Variants in GLIS1 observed in about 807,000 individuals in gnomAD.
The protein encoded by GLIS1 is GLIS family zinc finger 1.
In GLIS1, 24 loss-of-function variants were observed where a neutral mutation model predicts 63.8. The observed-to-expected ratio is 0.38, with a 90% CI of 0.27 to 0.53. GLIS1 has a LOEUF of 0.53. GLIS1 is among the 20% of genes least tolerant of loss of function. The pLI, the probability that GLIS1 is intolerant of heterozygous loss-of-function variation, is 0.85. For synonymous variants in GLIS1, 450 were observed against 482.5 expected (o/e 0.93, Z 0.88); for missense variants, 1,036 against 1,074.1 (o/e 0.96, Z 0.50).
At chr1:53,672,424 C>T (rs1261819628) in intron 2 of GLIS1, among the ~76,000 whole-genome samples, 1 of 152,248 alleles carries the variant, frequency 6.6e-6, no homozygotes, top group Non-Finnish European at 1.5e-5. Context: ...TATCTGTTAA[C>T]TCCTACACAT....
At chr1:53,571,402 T>C (rs561733804) in intron 4 of GLIS1, among the ~76,000 whole-genome samples, 45 of 152,146 alleles carry the variant, frequency 3.0e-4, no homozygotes, top group Non-Finnish European at 5.3e-4. Flanking sequence ...GTTCCATAGG[T>C]TCAAAAAGAG....
In GLIS1 at chr1:53,626,148, T is replaced by G. The variant is rs996730348; in HGVS notation, c.260-25870A>C. Among the ~76,000 whole-genome samples, 18 of 152,286 alleles carry G rather than the reference T, an allele frequency of 1.2e-4. No individual in the cohort carries two copies. The East Asian group carries it at 3.3e-3, about 28-fold the overall frequency. On this transcript the variant is annotated intron_variant, in intron 2 of 10. Coordinates refer to ENST00000628545, the MANE Select transcript of GLIS1 (RefSeq NM_001367484.1). The stretch of plus-strand genomic sequence containing the variant: ...AGGGCATGGTTCCAAGGCTCTAGCT[T>G]CCTCTGCTACAAGCCCACACCTCTC...
Position 53,594,485 on chromosome 1 carries a change from G to A in GLIS1, c.943C>T (p.Arg315Trp), listed in dbSNP as rs758168280. The change falls in exon 4 of 11, where the codon CGG becomes TGG. Residue 315 changes from arginine to tryptophan, a missense_variant. Physicochemically the swap from Arg to Trp is moderately radical, Grantham distance 101 (BLOSUM62 -3). Around this residue, in one of 3 missense-constraint regions of GLIS1, gnomAD observed 592 missense variants for 593.9 expected, o/e 1.00. Transcript: ENST00000628545. The stretch of plus-strand genomic sequence containing the variant: ...TCCTGCTTCAGGAAGCTCGCCTTCC[G>A]GCAGGCTTCAAGTTGCAAGCTGCCC... ...HEGSLQLEAC[R>W]KASFLKQEPA... 14 of 1,612,906 alleles carry A rather than the reference G, an allele frequency of 8.7e-6. No individual in the cohort carries two copies. Among genetic ancestry groups the A allele is most frequent in the Admixed American group, 3.3e-5 (2 of 60,014 alleles).
chr1:53,552,237 C>A (rs1439912073), intron 4 of GLIS1, among the ~76,000 whole-genome samples: 1 of 152,130 alleles, frequency 6.6e-6, no homozygotes, highest in Non-Finnish European at 1.5e-5. Flanking sequence ...CCACACACCC[C>A]AACCCTAAGC....
At chr1:53,716,178 A>C (rs912561626) in intron 2 of GLIS1, among the ~76,000 whole-genome samples, 3 of 152,188 alleles carry the variant, frequency 2.0e-5, no homozygotes, top group African/African-American at 7.2e-5. Flanking sequence ...CCAGATACAG[A>C]CTGGGCTCTT....
intron 2 of GLIS1, among the ~76,000 whole-genome samples, chr1:53,716,006 G>A (rs1001540060): frequency 2.0e-5 from 3 of 152,192 alleles, no homozygotes; most frequent in African/African-American, 7.2e-5. Flanking sequence ...GGCGAGAGTC[G>A]CACTGCAGGG....
chr1:53,563,263 T>C (rs932984261), intron 4 of GLIS1, among the ~76,000 whole-genome samples: 3 of 152,232 alleles, frequency 2.0e-5, no homozygotes, highest in Admixed American at 6.5e-5. Flanking sequence ...ACCACAACGC[T>C]GGACCTTCCA....
chr1:53,660,484 C>T (rs1194444196), intron 2 of GLIS1, among the ~76,000 whole-genome samples: 1 of 152,196 alleles, frequency 6.6e-6, no homozygotes, highest in Non-Finnish European at 1.5e-5. Context: ...GTAAGTGACA[C>T]AAGAGAAACT....
At chr1:53,723,578 A>T (rs1230729067) in intron 2 of GLIS1, among the ~76,000 whole-genome samples, 1 of 152,166 alleles carries the variant, frequency 6.6e-6, no homozygotes, top group African/African-American at 2.4e-5. Flanking sequence ...GAATGATCTC[A>T]ATGATATAAA....
At chr1:53,728,198 G>A (rs1007714768) in intron 2 of GLIS1, among the ~76,000 whole-genome samples, 1 of 152,186 alleles carries the variant, frequency 6.6e-6, no homozygotes, top group Non-Finnish European at 1.5e-5. Context: ...ATAAGAAAGG[G>A]AAGACTTCAA....
chr1:53,646,280 CTTA>C lies in GLIS1; in HGVS notation c.260-46005_260-46003del, dbSNP rs1488831394. 5.3e-5 allele frequency among the ~76,000 whole-genome samples: 8 copies of C among 152,086 alleles called. No individual in the cohort carries two copies. The highest frequency in any genetic ancestry group is 8.8e-5 in the Non-Finnish European group (6 of 68,002). ...TAAGAATTGAAAGGAATAAATAAAA[CTTA>C]TTATTCACAAGTGATAATCAGAAAT... is the stretch of plus-strand genomic sequence containing the variant. On this transcript the variant is annotated intron_variant, in intron 2 of 10. Coordinates refer to ENST00000628545, the MANE Select transcript of GLIS1 (RefSeq NM_001367484.1). The surrounding 1 kb of genome is among the most constrained non-coding windows in gnomAD (Gnocchi z 4.2).
intron 4 of GLIS1, among the ~76,000 whole-genome samples, chr1:53,535,284 G>T (rs1486144047): frequency 6.6e-6 from 1 of 152,028 alleles, no homozygotes; most frequent in Non-Finnish European, 1.5e-5. Flanking sequence ...GGACTCTGGT[G>T]CGACTTCTGC....
At chr1:53,702,489 C>T (rs1446090659) in intron 2 of GLIS1, among the ~76,000 whole-genome samples, 3 of 152,192 alleles carry the variant, frequency 2.0e-5, no homozygotes, top group Non-Finnish European at 4.4e-5. Context: ...GAGAGGGTGG[C>T]AGGGGTTTCC....
At chr1:53,556,493 G>GGT (rs1175312598) in intron 4 of GLIS1, among the ~76,000 whole-genome samples, 2 of 142,766 alleles carry the variant, frequency 1.4e-5, no homozygotes, top group African/African-American at 5.3e-5. Context: ...GTGTACTGCA[G>GGT]GTGTGTGTGT....
chr1:53,689,985 A>G (rs1321984593), intron 2 of GLIS1, among the ~76,000 whole-genome samples: 1 of 152,170 alleles, frequency 6.6e-6, no homozygotes, highest in South Asian at 2.1e-4. Flanking sequence ...ACACAAGCCT[A>G]TCTCTTCCCA....
At chr1:53,600,066 G>A (rs548154316) in intron 3 of GLIS1, 35 bp downstream of exon 3, 2 of 1,173,338 alleles carry the variant, frequency 1.7e-6, no homozygotes, top group South Asian at 8.6e-5. Context: ...GGGGCCTCCT[G>A]GGAGTGTCCA....
At chr1:53,587,119 C>A (rs889054048) in intron 4 of GLIS1, among the ~76,000 whole-genome samples, 3 of 152,122 alleles carry the variant, frequency 2.0e-5, no homozygotes, top group Non-Finnish European at 4.4e-5. Flanking sequence ...AAAGCCAAGA[C>A]CCAAAGGATT....
At chr1:53,619,220 C>T (rs1371133429) in intron 2 of GLIS1, among the ~76,000 whole-genome samples, 1 of 152,214 alleles carries the variant, frequency 6.6e-6, no homozygotes, top group Non-Finnish European at 1.5e-5. Flanking sequence ...ACCCATCCAC[C>T]CACCCTGAGC....
At chr1:53,709,395 C>CATAT (rs201281751) in intron 2 of GLIS1, among the ~76,000 whole-genome samples, 41 of 22,060 alleles carry the variant, frequency 1.9e-3, no homozygotes, top group Admixed American at 6.6e-3. Flanking sequence ...CATATATATA[C>CATAT]ATATACATAT....
Sources: allele counts gnomAD v4.1 joint callset (sites outside exome capture counted in the v4.1 genomes callset), GRCh38; gene constraint gnomAD v4.1.1; regional missense constraint gnomAD v4.1.1; non-coding constraint Gnocchi (gnomAD v3.1); transcripts MANE v1.5; gene names NCBI Gene and HGNC (gene_info 2026-07-23, HGNC 2026-07-21).